Variants in DLG2 observed in about 807,000 individuals in gnomAD.
DLG2 encodes disks large homolog 2.
A neutral mutation model predicts 132.5 loss-of-function variants in DLG2; 45 were observed. The ratio of observed to expected loss-of-function variants is 0.34; its 90% CI spans 0.27 to 0.44. The LOEUF (loss-of-function observed/expected upper bound fraction) is 0.44, where lower values mean the gene tolerates loss of function less well. DLG2 is among the 20% of genes least tolerant of loss of function. DLG2 has a pLI of 1.00. For synonymous variants in DLG2, 424 were observed against 419.6 expected, an observed-to-expected ratio of 1.01 and a Z score of -0.13; for missense variants, 1,045 against 1,196.9, an observed-to-expected ratio of 0.87 and a Z score of 1.87.
At chr11:84,459,176 C>T (rs1255615461) in intron 7 of DLG2, among the ~76,000 whole-genome samples, 1 of 150,612 alleles carries the variant, frequency 6.6e-6, no homozygotes, top group African/African-American at 2.4e-5. Flanking sequence ...TCAGTTTCCT[C>T]TTTGATTCGC....
chr11:84,604,247 A>G (rs1217828152), intron 6 of DLG2, among the ~76,000 whole-genome samples: 1 of 151,964 alleles, frequency 6.6e-6, no homozygotes, highest in African/African-American at 2.4e-5. Context: ...TAAGAAAAAG[A>G]AGAGCTCAGT....
chr11:83,517,993 G>C (rs1345221715), intron 21 of DLG2, among the ~76,000 whole-genome samples: 1 of 152,214 alleles, frequency 6.6e-6, no homozygotes, highest in African/African-American at 2.4e-5. Context: ...GAGGCAGTCT[G>C]TCTGTTCTCA....
intron 11 of DLG2, among the ~76,000 whole-genome samples, chr11:84,012,693 G>C (rs979361161): frequency 2.0e-5 from 3 of 152,118 alleles, no homozygotes; most frequent in African/African-American, 7.2e-5. Flanking sequence ...TAGCACATGT[G>C]AATAAACAGG....
intron 6 of DLG2, among the ~76,000 whole-genome samples, chr11:84,858,230 C>T (rs1266573873): frequency 1.3e-5 from 2 of 151,742 alleles, no homozygotes; most frequent in East Asian, 3.9e-4. Context: ...TTTGCATATC[C>T]TTAAGGGCCA....
intron 3 of DLG2, among the ~76,000 whole-genome samples, chr11:85,314,549 C>G (rs1366969493): frequency 6.6e-6 from 1 of 151,772 alleles, no homozygotes; most frequent in African/African-American, 2.4e-5. Flanking sequence ...AGTGGTGTGT[C>G]TTAGCTCCAG....
intron 3 of DLG2, among the ~76,000 whole-genome samples, chr11:85,428,758 G>A (rs1375497826): frequency 2.0e-5 from 3 of 152,014 alleles, no homozygotes; most frequent in African/African-American, 7.3e-5. Context: ...GCTAGCAGAA[G>A]GCAAGAAATA....
chr11:83,881,451 A>G (rs1447674777), intron 15 of DLG2, among the ~76,000 whole-genome samples: 1 of 152,190 alleles, frequency 6.6e-6, no homozygotes, highest in African/African-American at 2.4e-5. Context: ...GTATTTATTG[A>G]GCATTTAAGA....
intron 11 of DLG2, 113 bp downstream of exon 11, chr11:84,059,202 T>C (rs1418383998): frequency 6.8e-6 from 7 of 1,024,922 alleles, no homozygotes; most frequent in African/African-American, 1.6e-5. Flanking sequence ...TTTAAATCTC[T>C]TGGTAAGCAC....
chr11:83,862,341 C>A (rs1408606399), intron 16 of DLG2, among the ~76,000 whole-genome samples: 1 of 152,042 alleles, frequency 6.6e-6, no homozygotes, highest in Admixed American at 6.6e-5. Flanking sequence ...AAGACAGGCA[C>A]AGAAAGACAA....
chr11:83,843,343 G>A (rs958633021), intron 16 of DLG2, among the ~76,000 whole-genome samples: 5 of 152,114 alleles, frequency 3.3e-5, no homozygotes, highest in Non-Finnish European at 7.4e-5. Flanking sequence ...ACTGAGGCCA[G>A]GTACAATCTC....
chr11:84,700,152 G>A (rs1268878548), intron 6 of DLG2, among the ~76,000 whole-genome samples: 1 of 151,498 alleles, frequency 6.6e-6, no homozygotes, highest in Middle Eastern at 3.2e-3. Flanking sequence ...AAGAACTTGG[G>A]TGAAACCTTA....
At chr11:84,657,908 G>T (rs1402620938) in intron 6 of DLG2, among the ~76,000 whole-genome samples, 2 of 152,104 alleles carry the variant, frequency 1.3e-5, no homozygotes, top group Non-Finnish European at 2.9e-5. Flanking sequence ...TTTCCTTAGA[G>T]GACTGCCCCA....
At chr11:83,899,277 C>T (rs1394680948) in intron 15 of DLG2, among the ~76,000 whole-genome samples, 1 of 152,206 alleles carries the variant, frequency 6.6e-6, no homozygotes. Context: ...CTTTTCAGTA[C>T]TGCACTTGGA....
chr11:85,450,830 A>T (rs939300113), intron 3 of DLG2, among the ~76,000 whole-genome samples: 1 of 151,460 alleles, frequency 6.6e-6, no homozygotes, highest in Non-Finnish European at 1.5e-5. Context: ...AGCTTCCATA[A>T]CTCTATATTC....
At chr11:85,577,268 GATAAGAGACT>G (rs1193043571) in intron 3 of DLG2, among the ~76,000 whole-genome samples, 1 of 152,124 alleles carries the variant, frequency 6.6e-6, no homozygotes, top group African/African-American at 2.4e-5. Flanking sequence ...CAGTAGACCA[GATAAGAGACT>G]ATAGTTGCTC....
chr11:85,606,050 C>A (rs540620585), intron 2 of DLG2, among the ~76,000 whole-genome samples: 1 of 151,886 alleles, frequency 6.6e-6, no homozygotes, highest in South Asian at 2.1e-4. Flanking sequence ...TGATGGCATA[C>A]GTACAATGTT....
At chr11:84,633,092 G>A (rs1019740968) in intron 6 of DLG2, among the ~76,000 whole-genome samples, 9 of 152,182 alleles carry the variant, frequency 5.9e-5, no homozygotes, top group Non-Finnish European at 8.8e-5. Context: ...TATGATCCAT[G>A]TATATTAATG....
chr11:84,074,460 A>G (rs2096796894), intron 10 of DLG2, among the ~76,000 whole-genome samples: 1 of 151,696 alleles, frequency 6.6e-6, no homozygotes, highest in Admixed American at 6.6e-5. Context: ...TTCTACCCAA[A>G]CATGTTGGCT....
chr11:83,593,286 C>A (rs1210752722), intron 19 of DLG2, among the ~76,000 whole-genome samples: 4 of 148,630 alleles, frequency 2.7e-5, no homozygotes, highest in African/African-American at 9.9e-5. Context: ...AAATGTGGCA[C>A]ATATACACCA....
Sources: gnomAD v4.1 joint callset for allele counts (sites outside exome capture counted in the v4.1 genomes callset) on GRCh38, gnomAD v4.1.1 for gene constraint, MANE v1.5 for transcripts, NCBI Gene and HGNC (gene_info 2026-07-23, HGNC 2026-07-21) for gene names.